The following FMNL2 variants were observed in gnomAD, a reference collection of about 807,000 sequenced individuals.
The protein encoded by FMNL2 is formin-like protein 2.
Under a neutral mutation model 130.2 loss-of-function variants are expected in FMNL2, and 51 were observed. The ratio of observed to expected loss-of-function variants is 0.39; its 90% CI spans 0.31 to 0.49. FMNL2 has a LOEUF of 0.49. Among genes scored for constraint, FMNL2 ranks in the 20% least tolerant of loss-of-function variants. FMNL2 has a pLI of 0.85. For missense variants in FMNL2, 977 were observed against 1,316.2 expected, an observed-to-expected ratio of 0.74 and a Z score of 3.99; for synonymous variants, 465 against 467.1, an observed-to-expected ratio of 1.00 and a Z score of 0.06.
intron 23 of FMNL2, among the ~76,000 whole-genome samples, chr2:152,639,749 T>C (rs1021022890): frequency 3.3e-5 from 5 of 152,076 alleles, no homozygotes; most frequent in South Asian, 2.1e-4. Flanking sequence ...TCTGGATGAA[T>C]TGAATCTCAG....
intron 1 of FMNL2, among the ~76,000 whole-genome samples, chr2:152,375,875 C>CTATATA (rs71394478): frequency 2.0e-3 from 230 of 112,788 alleles, no homozygotes; most frequent in African/African-American, 3.4e-3. Flanking sequence ...CTCTCTCTCT[C>CTATATA]TCTATATATA....
intron 15 of FMNL2, among the ~76,000 whole-genome samples, chr2:152,621,945 C>T (rs1476193297): frequency 6.6e-6 from 1 of 152,130 alleles, no homozygotes; most frequent in African/African-American, 2.4e-5. Flanking sequence ...CTTATCTCTT[C>T]AATGGGCAGG....
At chr2:152,477,979 CT>C (rs1038588940) in intron 1 of FMNL2, among the ~76,000 whole-genome samples, 1 of 151,946 alleles carries the variant, frequency 6.6e-6, no homozygotes, top group Non-Finnish European at 1.5e-5. Context: ...CACCGAGAGC[CT>C]TTTTAAAACT....
chr2:152,611,644 T>A lies in FMNL2; in HGVS notation c.1062+39T>A, dbSNP rs748531631. The stretch of plus-strand genomic sequence containing the variant: ...TGACCTTTGGCTCCAATATAAGAAT[T>A]GACTTATTATTGCCTGCCCTCAAAG... On this transcript the variant is annotated intron_variant, in intron 11 of 25. Transcript: ENST00000288670. 3.0e-5 allele frequency: 40 copies of A among 1,316,494 alleles called. No homozygotes were observed. The Admixed American group carries it at 6.0e-4, about 20-fold the overall frequency. The allele number at this position is 1,316,494 out of a possible 1,614,324, so 81.6% of individuals were successfully genotyped here.
intron 1 of FMNL2, among the ~76,000 whole-genome samples, chr2:152,402,235 G>A (rs889184221): frequency 1.3e-5 from 2 of 152,138 alleles, no homozygotes; most frequent in Admixed American, 6.5e-5. Context: ...TAAATGCTAA[G>A]CGTTGTTCTC....
At chr2:152,351,905 G>T (rs1682508547) in intron 1 of FMNL2, among the ~76,000 whole-genome samples, 2 of 152,114 alleles carry the variant, frequency 1.3e-5, no homozygotes, top group Non-Finnish European at 2.9e-5. Flanking sequence ...CTGGCATGAG[G>T]TGGTATCTCA....
chr2:152,647,735 C>G (rs532994987), intron 25 of FMNL2, 61 bp from the exon 26 acceptor site: 1 of 1,541,340 alleles, frequency 6.5e-7, no homozygotes, highest in African/African-American at 1.4e-5. Flanking sequence ...TGGCCTTTGT[C>G]CTGCTTAGAC....
chr2:152,633,626 G>A (rs1682339190), intron 21 of FMNL2, among the ~76,000 whole-genome samples: 1 of 152,210 alleles, frequency 6.6e-6, no homozygotes, highest in South Asian at 2.1e-4. Flanking sequence ...GATAGACCTA[G>A]AGCAAGTTCG....
intron 5 of FMNL2, 104 bp downstream of exon 5, chr2:152,558,927 A>G: frequency 1.0e-6 from 1 of 1,003,964 alleles, no homozygotes; most frequent in Non-Finnish European, 1.5e-6. Context: ...ACTCAGAAGC[A>G]GATGTGCTAG....
At chr2:152,472,874 A>G (rs886150806) in intron 1 of FMNL2, among the ~76,000 whole-genome samples, 6 of 152,230 alleles carry the variant, frequency 3.9e-5, no homozygotes, top group African/African-American at 1.4e-4. Context: ...GTGAAGATTA[A>G]GAGAAATAAT....
intron 1 of FMNL2, among the ~76,000 whole-genome samples, chr2:152,471,595 A>G (rs1689863071): frequency 6.6e-6 from 1 of 152,134 alleles, no homozygotes; most frequent in Admixed American, 6.5e-5. Flanking sequence ...CCCACTCCAG[A>G]ACTGGAGCCA....
chr2:152,565,843 G>A (rs1695806874), intron 6 of FMNL2, among the ~76,000 whole-genome samples: 1 of 152,132 alleles, frequency 6.6e-6, no homozygotes, highest in Non-Finnish European at 1.5e-5. Context: ...GCAGTGGCAC[G>A]ATCATAGCTC....
intron 1 of FMNL2, among the ~76,000 whole-genome samples, chr2:152,395,035 A>C (rs1303297022): frequency 6.6e-6 from 1 of 152,206 alleles, no homozygotes; most frequent in Non-Finnish European, 1.5e-5. Context: ...ATTCCTGCTG[A>C]ACCAGGAATG....
intron 9 of FMNL2, among the ~76,000 whole-genome samples, chr2:152,589,981 A>ATATATATATGTATATG (rs1553482691): frequency 9.2e-4 from 39 of 42,438 alleles, no homozygotes; most frequent in South Asian, 1.8e-3. Flanking sequence ...ATATATATAT[A>ATATATATATGTATATG]TATGTATATG....
At chr2:152,446,892 A>G (rs1005453172) in intron 1 of FMNL2, among the ~76,000 whole-genome samples, 2 of 152,142 alleles carry the variant, frequency 1.3e-5, no homozygotes, top group Admixed American at 1.3e-4. Flanking sequence ...TTTGATTTGG[A>G]CAAAGGCAAA....
chr2:152,565,887 G>A lies in FMNL2; in HGVS notation c.596+4852G>A, dbSNP rs150307848. ...CTCAACCTCCTGGGCTCAAGAAATCGTCCCCCTTCAGCATCCCAAGTAGTT... is the reference window on the plus strand; with the variant it reads ...CTCAACCTCCTGGGCTCAAGAAATCATCCCCCTTCAGCATCCCAAGTAGTT... On this transcript the variant is annotated intron_variant, in intron 6 of 25. Transcript: ENST00000288670. 2.9e-3 allele frequency among the ~76,000 whole-genome samples: 438 copies of A among 152,048 alleles called. 1 individual carries two copies. The highest frequency in any genetic ancestry group is 0.01 in the African/African-American group (427 of 41,482).
intron 24 of FMNL2, among the ~76,000 whole-genome samples, chr2:152,640,562 G>C (rs558212710): frequency 2.6e-5 from 4 of 152,344 alleles, no homozygotes; most frequent in Admixed American, 2.6e-4. Flanking sequence ...TGTTGCCGTA[G>C]ACTCCAGCCT....
chr2:152,410,921 G>A (rs1373243367), intron 1 of FMNL2, among the ~76,000 whole-genome samples: 12 of 152,066 alleles, frequency 7.9e-5, no homozygotes, highest in Non-Finnish European at 1.5e-4. Context: ...AGTTCCCTTT[G>A]CCCCAAATTA....
chr2:152,633,160 A>C (rs1237980955), intron 21 of FMNL2, among the ~76,000 whole-genome samples: 1 of 150,798 alleles, frequency 6.6e-6, no homozygotes, highest in Non-Finnish European at 1.5e-5. Flanking sequence ...CAGTGACATG[A>C]TCACAGCTCA....
Sources: gnomAD v4.1 joint callset for allele counts (sites outside exome capture counted in the v4.1 genomes callset) on GRCh38, gnomAD v4.1.1 for gene constraint, MANE v1.5 for transcripts, NCBI Gene and HGNC (gene_info 2026-07-23, HGNC 2026-07-21) for gene names.